RASA3: variants seen among roughly 807,000 people sequenced by gnomAD.
RASA3 encodes the protein ras GTPase-activating protein 3.
A neutral mutation model predicts 110.0 loss-of-function variants in RASA3; 73 were observed. The ratio of observed to expected loss-of-function variants is 0.66; its 90% confidence interval spans 0.55 to 0.81. The LOEUF (loss-of-function observed/expected upper bound fraction) is 0.81. RASA3 is among the 30% of genes least tolerant of loss of function. The pLI is 0.00. For synonymous variants in RASA3, 500 were observed against 451.4 expected, an observed-to-expected ratio of 1.11 and a Z score of -1.37; for missense variants, 976 against 1,113.2, an observed-to-expected ratio of 0.88 and a Z score of 1.75.
chr13:113,992,408 C>T (rs986699504), intron 22 of RASA3, 77 bp downstream of exon 22: 1 of 1,178,244 alleles, frequency 8.5e-7, no homozygotes, highest in Non-Finnish European at 1.2e-6. Context: ...AGGTTTTCAC[C>T]CCACAGCATG....
chr13:114,037,133 G>A (rs142026261), intron 4 of RASA3, among the ~76,000 whole-genome samples: 8 of 152,310 alleles, frequency 5.3e-5, no homozygotes, highest in East Asian at 3.9e-4. Flanking sequence ...AGCCTCGGGC[G>A]TTAATTATGA....
At chr13:113,995,841 C>T (rs1451187984) in intron 21 of RASA3, among the ~76,000 whole-genome samples, 1 of 36,562 alleles carries the variant, frequency 2.7e-5, no homozygotes, top group Non-Finnish European at 4.6e-5. Context: ...TGACGGGGGG[C>T]CCGGCTGACG....
At chr13:114,128,807 G>A (rs762060832) in intron 1 of RASA3, among the ~76,000 whole-genome samples, 5 of 152,238 alleles carry the variant, frequency 3.3e-5, no homozygotes, top group Non-Finnish European at 7.3e-5. Flanking sequence ...AAGCCCCAGC[G>A]GGGAGCCCAC....
chr13:114,030,312 G>A (rs1389128824), intron 4 of RASA3, among the ~76,000 whole-genome samples: 3 of 152,062 alleles, frequency 2.0e-5, no homozygotes, highest in South Asian at 4.1e-4. Flanking sequence ...CCCCTCGGGC[G>A]AGGCCGGATG....
At chr13:114,015,992 G>A (rs762769173) in intron 13 of RASA3, among the ~76,000 whole-genome samples, 2 of 152,120 alleles carry the variant, frequency 1.3e-5, no homozygotes, top group African/African-American at 2.4e-5. Context: ...GCAGAGCCCG[G>A]CACACAGGCC....
chr13:114,070,590 A>G lies in RASA3; in HGVS notation c.173+3130T>C, dbSNP rs79919101. ...AGCCCTCCAAATGGACAGGGCTGCC[A>G]GCGTCCACACTAAACGGCGCCAGTG... is the stretch of plus-strand genomic sequence containing the variant. On this transcript the variant is annotated intron_variant, in intron 2 of 23. Transcript: ENST00000334062. 3.4e-4 allele frequency among the ~76,000 whole-genome samples: 52 copies of G among 151,648 alleles called. No individual in the cohort carries two copies. In the East Asian group the frequency reaches 9.6e-3, roughly 28 times the overall value.
At chr13:114,080,209 C>T (rs771365775) in intron 1 of RASA3, among the ~76,000 whole-genome samples, 31 of 152,232 alleles carry the variant, frequency 2.0e-4, no homozygotes, top group Non-Finnish European at 3.4e-4. Context: ...AAGAGGACTC[C>T]TGTGGGTTAT....
At chr13:114,077,711 C>T (rs572438766) in intron 1 of RASA3, 22 of 769,770 alleles carry the variant, frequency 2.9e-5, no homozygotes, top group Admixed American at 6.5e-5. Context: ...ACCAAGGCAC[C>T]GGGTTCCTCC....
intron 16 of RASA3, among the ~76,000 whole-genome samples, chr13:114,010,825 C>CCGCGTGGGGAGGAGGGGGCCGCGAGGG (rs777335702): frequency 3.9e-4 from 2 of 5,088 alleles, no homozygotes; most frequent in Non-Finnish European, 7.4e-4. Flanking sequence ...GGCTGCGTGA[C>CCGCGTGGGGAGGAGGGGGCCGCGAGGG]GAGGAGCCTC....
At chr13:114,003,601 T>C (rs1317131211) in intron 18 of RASA3, among the ~76,000 whole-genome samples, 1 of 152,226 alleles carries the variant, frequency 6.6e-6, no homozygotes, top group African/African-American at 2.4e-5. Context: ...TAATAACTCT[T>C]TGTTAAGCTC....
In RASA3 at chr13:114,018,747, C is replaced by T. The variant is rs771831512; in HGVS notation, c.942+16G>A. The T allele has an allele frequency of 1.2e-5, 19 of 1,612,038 alleles. No homozygotes were observed. The highest frequency in any genetic ancestry group is 1.7e-4 in the Middle Eastern group (1 of 6,032). On this transcript the variant is annotated intron_variant, in intron 10 of 23. Transcript: ENST00000334062. ...ACCTCCTGCCCACACCCACAGGCCA[C>T]GGCGTGGACAAGCACCTCCACATCC...
chr13:114,102,640 C>A (rs548769500), intron 1 of RASA3, among the ~76,000 whole-genome samples: 1 of 152,198 alleles, frequency 6.6e-6, no homozygotes, highest in Non-Finnish European at 1.5e-5. Context: ...GCCACATGGC[C>A]GGTGGCAGGG....
intron 3 of RASA3, among the ~76,000 whole-genome samples, chr13:114,046,516 A>T (rs925214391): frequency 8.5e-5 from 13 of 152,222 alleles, no homozygotes; most frequent in Admixed American, 3.9e-4. Flanking sequence ...GTCAATTAAA[A>T]GATTATGCAG....
At chr13:114,040,885 C>T in intron 4 of RASA3, 115 bp downstream of exon 4, 1 of 956,380 alleles carries the variant, frequency 1.0e-6, no homozygotes, top group Non-Finnish European at 1.6e-6. Flanking sequence ...CATCGTTATT[C>T]CCAGTCAAGG....
At chr13:114,004,904 G>A (rs1193578241) in intron 18 of RASA3, among the ~76,000 whole-genome samples, 1 of 152,176 alleles carries the variant, frequency 6.6e-6, no homozygotes. Context: ...TAAAGAAAAC[G>A]TGGCATAAAT....
chr13:114,115,233 G>A lies in RASA3; in HGVS notation c.55+17202C>T, dbSNP rs991262913. Among the ~76,000 whole-genome samples the A allele has an allele frequency of 3.9e-5, 6 of 152,190 alleles. No individual in the cohort carries two copies. The highest frequency in any genetic ancestry group is 6.5e-5 in the Admixed American group (1 of 15,280). ...TTATGTCCAGCGGTAACATGTTTAC[G>A]GTCCCTGTGCCGCCGTGCGGTAGCA... On this transcript the variant is annotated intron_variant, in intron 1 of 23. Coordinates refer to ENST00000334062, the MANE Select transcript of RASA3 (RefSeq NM_007368.4). This position sits in a 1 kb window ranked among gnomAD's most constrained non-coding sequence, Gnocchi z 5.0.
At chr13:114,007,667 C>A in intron 17 of RASA3, 61 bp from the exon 18 acceptor site, 1 of 1,382,726 alleles carries the variant, frequency 7.2e-7, no homozygotes, top group South Asian at 1.2e-5. Flanking sequence ...GCACGGCTCT[C>A]TGTATAACAA....
At chr13:114,106,576 A>G (rs754168348) in intron 1 of RASA3, among the ~76,000 whole-genome samples, 7 of 152,222 alleles carry the variant, frequency 4.6e-5, no homozygotes, top group Non-Finnish European at 1.5e-5. Context: ...ATAAATGCCC[A>G]TTTTACTTAG....
chr13:114,021,594 G>T, intron 8 of RASA3, 86 bp from the exon 9 acceptor site: 1 of 1,044,214 alleles, frequency 9.6e-7, no homozygotes, highest in Non-Finnish European at 1.4e-6. Context: ...GTTCCCCCAG[G>T]AGCAGAATGG....
Sources: allele counts gnomAD v4.1 joint callset (sites outside exome capture counted in the v4.1 genomes callset), GRCh38; gene constraint gnomAD v4.1.1; non-coding constraint Gnocchi (gnomAD v3.1); transcripts MANE v1.5; gene names NCBI Gene and HGNC (gene_info 2026-07-23, HGNC 2026-07-21).